The following CCM2 variants were observed in gnomAD, a reference collection of about 807,000 sequenced individuals.
CCM2 encodes the protein cerebral cavernous malformations 2 protein.
Under a neutral mutation model 44.9 loss-of-function variants are expected in CCM2, and 25 were observed. That is an observed-to-expected ratio of 0.56 (90% CI 0.41 to 0.78). The LOEUF (loss-of-function observed/expected upper bound fraction) is 0.78, where lower values mean the gene tolerates loss of function less well. CCM2 is among the 30% of genes least tolerant of loss of function. CCM2 has a pLI of 0.00. For missense variants in CCM2, 481 were observed against 580.6 expected (o/e 0.83, Z 1.76); for synonymous variants, 219 against 241.1 (o/e 0.91, Z 0.85).
At chr7:45,002,382 A>G (rs1285854181) in intron 1 of CCM2, among the ~76,000 whole-genome samples, 1 of 152,254 alleles carries the variant, frequency 6.6e-6, no homozygotes, top group Non-Finnish European at 1.5e-5. Flanking sequence ...CAGCCTGGGC[A>G]ACATGGCAAA....
At chr7:45,073,270 G>C (rs1799171366) in intron 7 of CCM2, 190 bp from the exon 8 acceptor site, 2 of 628,890 alleles carry the variant, frequency 3.2e-6, no homozygotes, top group East Asian at 5.5e-5. Context: ...CCCCCGGGGA[G>C]CCCCAGGACC....
intron 2 of CCM2, among the ~76,000 whole-genome samples, chr7:45,039,560 G>A (rs1029830373): frequency 7.9e-5 from 12 of 152,122 alleles, no homozygotes; most frequent in African/African-American, 2.7e-4. Flanking sequence ...CAACCTAAAG[G>A]CAGAGCTCAA....
At position 45,073,542 on chromosome 7, in the gene CCM2, A is replaced by G. The variant is rs557189825; in HGVS notation, c.886A>G (p.Thr296Ala). ...ISESELSASA[T>A]ELLQDYMLTL... The stretch of plus-strand genomic sequence containing the variant: ...TGAGAGCGAGCTGAGCGCCAGCGCC[A>G]CTGAGCTGCTGCAGGACTACATGCT... Residue 296 changes from threonine (T) to alanine (A), a missense_variant, in exon 8 of 10, where the codon ACT becomes GCT. Transcript: ENST00000258781. The G allele has an allele frequency of 1.6e-5, 26 of 1,612,390 alleles. 1 individual carries two copies. The Admixed American group carries it at 2.8e-4, about 18-fold the overall frequency.
intron 2 of CCM2, among the ~76,000 whole-genome samples, chr7:45,043,157 A>C (rs1006914182): frequency 2.6e-5 from 4 of 151,690 alleles, no homozygotes; most frequent in Admixed American, 6.6e-5. Flanking sequence ...TTTTGTAGAG[A>C]TGAGGTCTCA....
At chr7:45,022,702 T>C (rs1021444400) in intron 1 of CCM2, among the ~76,000 whole-genome samples, 17 of 152,056 alleles carry the variant, frequency 1.1e-4, no homozygotes, top group African/African-American at 3.9e-4. Context: ...TACAAGTGGT[T>C]TTTGGTTACA....
At chr7:45,005,092 A>G (rs139550326) in intron 1 of CCM2, among the ~76,000 whole-genome samples, 147 of 151,794 alleles carry the variant, frequency 9.7e-4, no homozygotes, top group South Asian at 1.7e-3. Context: ...TGGGGCTGCT[A>G]TATTTTGTTT....
At chr7:45,054,164 T>C (rs1158388929) in intron 2 of CCM2, among the ~76,000 whole-genome samples, 1 of 152,066 alleles carries the variant, frequency 6.6e-6, no homozygotes, top group East Asian at 1.9e-4. Flanking sequence ...GTGTCAGCCA[T>C]GGAGGAGGAC....
chr7:45,073,603 A>C (rs756658014), intron 8 of CCM2, 32 bp downstream of exon 8: 17 of 1,434,960 alleles, frequency 1.2e-5, no homozygotes, highest in Non-Finnish European at 1.6e-5. Context: ...GCTGGGCTGC[A>C]TGAGGGAGGG....
At chr7:45,019,865 G>A (rs1481368731) in intron 1 of CCM2, among the ~76,000 whole-genome samples, 1 of 152,090 alleles carries the variant, frequency 6.6e-6, no homozygotes, top group Non-Finnish European at 1.5e-5. Context: ...ATGAGCTCCC[G>A]CACCCAGCCA....
intron 2 of CCM2, among the ~76,000 whole-genome samples, chr7:45,043,051 C>T (rs1797589141): frequency 1.3e-5 from 2 of 151,190 alleles, no homozygotes; most frequent in Admixed American, 1.3e-4. Flanking sequence ...TGGTTCACTG[C>T]AGCCTCGACC....
intron 1 of CCM2, among the ~76,000 whole-genome samples, chr7:45,028,622 A>G (rs780323323): frequency 6.1e-4 from 93 of 152,016 alleles, no homozygotes; most frequent in Admixed American, 3.0e-3. Context: ...GCGCCACTGC[A>G]CTCCAGCCTG....
At chr7:45,048,540 G>A (rs551385451) in intron 2 of CCM2, among the ~76,000 whole-genome samples, 10 of 152,230 alleles carry the variant, frequency 6.6e-5, no homozygotes, top group African/African-American at 1.7e-4. Context: ...CGAGGCAGGC[G>A]GATCACGAGG....
Position 45,075,964 on chromosome 7 carries a change from A to T in CCM2, c.1242A>T (p.Ala414=), listed in dbSNP as rs761701382. 9 of 1,612,976 alleles carry T rather than the reference A, an allele frequency of 5.6e-6. No individual in the cohort carries two copies. The highest frequency in any genetic ancestry group is 7.6e-6 in the Non-Finnish European group (9 of 1,180,022). ...CGGGCAGCTCTGATGACCGGTCGGCACCCTCAGAGGGGGATGAGTGGGACC... is the reference window on the plus strand; with the variant it reads ...CGGGCAGCTCTGATGACCGGTCGGCTCCCTCAGAGGGGGATGAGTGGGACC... ...RATGSSDDRS[A]PSEGDEWDRM... The change falls in exon 10 of 10, where the codon GCA becomes GCT. Residue 414 remains alanine, a synonymous_variant. Transcript: ENST00000258781.
At chr7:45,059,691 T>C (rs34841503) in intron 2 of CCM2, among the ~76,000 whole-genome samples, 5,025 of 152,218 alleles carry the variant, frequency 0.033, 124 homozygotes, top group South Asian at 0.14. Context: ...TGAGCTGTGA[T>C]TGTGCCACTG....
chr7:45,027,686 A>AT, intron 1 of CCM2: 1 of 1,614,118 alleles, frequency 6.2e-7, no homozygotes, highest in Non-Finnish European at 8.5e-7. Flanking sequence ...TTTTCAACAA[A>AT]TTCAGAAGTG....
chr7:45,055,216 C>T (rs552795945), intron 2 of CCM2, among the ~76,000 whole-genome samples: 9 of 152,248 alleles, frequency 5.9e-5, no homozygotes, highest in African/African-American at 1.7e-4. Context: ...AACATAATTC[C>T]GGGGTACTTT....
intron 2 of CCM2, 143 bp from the exon 3 acceptor site, chr7:45,063,775 G>A (rs1382976025): frequency 1.4e-6 from 1 of 693,332 alleles, no homozygotes; most frequent in Admixed American, 2.1e-5. Flanking sequence ...TCCTAGAGTT[G>A]GGCCTCCACG....
chr7:45,073,935 G>T (rs180708769), intron 8 of CCM2: 3 of 520,916 alleles, frequency 5.8e-6, no homozygotes, highest in Non-Finnish European at 1.0e-5. Flanking sequence ...TGATTTGCCT[G>T]TGTGCCTGTG....
chr7:45,005,942 G>T (rs575439462), intron 1 of CCM2, among the ~76,000 whole-genome samples: 2 of 152,328 alleles, frequency 1.3e-5, no homozygotes, highest in East Asian at 1.9e-4. Context: ...TGCACTTGAA[G>T]CCACTGGAGG....
Sources: gnomAD v4.1 joint callset for allele counts (sites outside exome capture counted in the v4.1 genomes callset) on GRCh38, gnomAD v4.1.1 for gene constraint, MANE v1.5 for transcripts, NCBI Gene and HGNC (gene_info 2026-07-23, HGNC 2026-07-21) for gene names.